The following CACNG8 variants were observed in gnomAD, a reference collection of about 807,000 sequenced individuals.
CACNG8 encodes voltage-dependent calcium channel gamma-8 subunit.
In CACNG8, 5 loss-of-function variants were observed where a neutral mutation model predicts 26.9. The observed-to-expected ratio is 0.19, with a 90% CI of 0.10 to 0.39. The LOEUF is 0.39. Among genes scored for constraint, CACNG8 ranks in the 10% least tolerant of loss-of-function variants. The probability of loss-of-function intolerance (pLI) is 1.00; values close to 1 mark genes in which losing one functional copy is unlikely to be tolerated. For missense variants in CACNG8, 473 were observed against 609.4 expected, an observed-to-expected ratio of 0.78 and a Z score of 2.36; for synonymous variants, 321 against 296.7, an observed-to-expected ratio of 1.08 and a Z score of -0.84.
Position 53,982,863 on chromosome 19 carries a change from G to A in CACNG8, c.*14G>A. 1 of 1,284,068 alleles carries A rather than the reference G, an allele frequency of 7.8e-7. No individual in the cohort carries two copies. Among genetic ancestry groups the A allele is most frequent in the Non-Finnish European group, 9.9e-7 (1 of 1,015,206 alleles). The allele number at this position is 1,284,068 out of a possible 1,614,324, so 79.5% of individuals were successfully genotyped here. On this transcript the variant is annotated 3_prime_UTR_variant, in exon 4 of 4. Coordinates refer to ENST00000270458, the MANE Select transcript of CACNG8 (RefSeq NM_031895.6). This position sits in a 1 kb window ranked among gnomAD's most constrained non-coding sequence, Gnocchi z 8.4. ...ACGCCTGTGTAGGGGCGCGGCGGGG[G>A]AGCCGAGGGGCGTGTCCGGGGCGCG...
intron 2 of CACNG8, among the ~76,000 whole-genome samples, chr19:53,978,607 G>C (rs938336006): frequency 2.6e-5 from 4 of 151,800 alleles, no homozygotes; most frequent in African/African-American, 9.7e-5. Flanking sequence ...CTGGGAGCCG[G>C]CTGGGAAAGC....
chr19:53,977,924 T>C (rs1388155799), intron 1 of CACNG8, among the ~76,000 whole-genome samples: 1 of 152,186 alleles, frequency 6.6e-6, no homozygotes, highest in African/African-American at 2.4e-5. Context: ...TGGGTTTTTT[T>C]CCTTGCTTTT....
At chr19:53,963,940 C>T (rs184268628) in intron 1 of CACNG8, among the ~76,000 whole-genome samples, 2 of 151,764 alleles carry the variant, frequency 1.3e-5, no homozygotes, top group African/African-American at 4.8e-5. Flanking sequence ...TAGCTGGGAC[C>T]ACAGGCATGA....
intron 1 of CACNG8, among the ~76,000 whole-genome samples, chr19:53,966,564 C>A (rs868659444): frequency 1.3e-5 from 2 of 151,916 alleles, no homozygotes; most frequent in Middle Eastern, 3.4e-3. Context: ...AGGCACATGC[C>A]CCCATTTTTT....
At chr19:53,966,158 G>A (rs1313823728) in intron 1 of CACNG8, among the ~76,000 whole-genome samples, 1 of 152,034 alleles carries the variant, frequency 6.6e-6, no homozygotes, top group Non-Finnish European at 1.5e-5. Flanking sequence ...CGTGATCTTG[G>A]CTTACTGCAA....
chr19:53,984,032 T>A lies in CACNG8; in HGVS notation c.*1183T>A, dbSNP rs2069392543. The stretch of plus-strand genomic sequence containing the variant: ...CGGAGGCAAGAGTAGGAGGCAGAGA[T>A]GTGCTGAAATACAGCATCAAACATG... On this transcript the variant is annotated 3_prime_UTR_variant, in exon 4 of 4. Coordinates refer to ENST00000270458, the MANE Select transcript of CACNG8 (RefSeq NM_031895.6). 1 of 152,320 alleles carries A rather than the reference T, an allele frequency of 6.6e-6. No individual in the cohort carries two copies. Among genetic ancestry groups the A allele is most frequent in the African/African-American group, 2.4e-5 (1 of 41,440 alleles). The allele number at this position is 152,320 out of a possible 1,614,324, so 9.4% of individuals were successfully genotyped here.
At chr19:53,970,976 T>C (rs949206675) in intron 1 of CACNG8, among the ~76,000 whole-genome samples, 25 of 143,840 alleles carry the variant, frequency 1.7e-4, no homozygotes, top group African/African-American at 6.4e-4. Flanking sequence ...AAAAGAAATA[T>C]AACATGGGTG....
chr19:53,969,358 G>A (rs900094424), intron 1 of CACNG8, among the ~76,000 whole-genome samples: 2 of 151,962 alleles, frequency 1.3e-5, no homozygotes, highest in African/African-American at 4.8e-5. Flanking sequence ...GAGGTGAAGT[G>A]AGTTGCCCAA....
At position 53,982,427 on chromosome 19, in the gene CACNG8, T is replaced by C; in HGVS notation, c.856T>C (p.Ser286Pro). The C allele has an allele frequency of 1.3e-6, 2 of 1,519,548 alleles. No homozygotes were observed. Among genetic ancestry groups the C allele is most frequent in the Non-Finnish European group, 1.8e-6 (2 of 1,140,558 alleles). The allele number at this position is 1,519,548 out of a possible 1,614,324, so 94.1% of individuals were successfully genotyped here. ...CTCCCGCTCCAGCGAGCCGTCGCCG[T>C]CGCGGGACGCGTCTCCCGGCGGCCC... Residue 286 changes from serine to proline, a missense_variant, in exon 4 of 4, where the codon TCG (serine) becomes CCG (proline). Coordinates refer to ENST00000270458, the MANE Select transcript of CACNG8 (RefSeq NM_031895.6). The surrounding 1 kb of genome is among the most constrained non-coding windows in gnomAD (Gnocchi z 8.4).
At position 53,984,034 on chromosome 19, in the gene CACNG8, T is replaced by C. The variant is rs1304813245; in HGVS notation, c.*1185T>C. The C allele has an allele frequency of 6.6e-6, 1 of 152,346 alleles. No homozygotes were observed. Among genetic ancestry groups the C allele is most frequent in the African/African-American group, 2.4e-5 (1 of 41,436 alleles). 9.4% of individuals were successfully genotyped at this position (152,346 alleles called of 1,614,324 possible). A position where few individuals can be genotyped will look rare whatever the true frequency, so the allele number is the denominator to read the frequency against. Reference sequence around the variant, plus strand: ...GAGGCAAGAGTAGGAGGCAGAGATGTGCTGAAATACAGCATCAAACATGGG... The same window carrying C: ...GAGGCAAGAGTAGGAGGCAGAGATGCGCTGAAATACAGCATCAAACATGGG... On this transcript the variant is annotated 3_prime_UTR_variant, in exon 4 of 4. Coordinates refer to ENST00000270458, the MANE Select transcript of CACNG8 (RefSeq NM_031895.6).
intron 1 of CACNG8, among the ~76,000 whole-genome samples, chr19:53,968,997 A>C (rs1218388121): frequency 1.3e-5 from 2 of 151,802 alleles, no homozygotes; most frequent in Admixed American, 1.3e-4. Flanking sequence ...TACTTTATTT[A>C]TTTATTTTTA....
At chr19:53,970,931 C>CAAAAAAAAAA (rs34478690) in intron 1 of CACNG8, among the ~76,000 whole-genome samples, 2 of 96,634 alleles carry the variant, frequency 2.1e-5, no homozygotes, top group Non-Finnish European at 2.1e-5. Context: ...GACCCTATCT[C>CAAAAAAAAAA]AAAAAAAAAA....
intron 1 of CACNG8, 60 bp from the exon 2 acceptor site, chr19:53,978,086 G>T: frequency 8.5e-7 from 1 of 1,177,532 alleles, no homozygotes; most frequent in Non-Finnish European, 1.2e-6. Flanking sequence ...TGTCAGTGGG[G>T]TTGCCCCGCC....
intron 1 of CACNG8, among the ~76,000 whole-genome samples, chr19:53,970,762 G>A (rs1229904544): frequency 6.6e-6 from 1 of 151,120 alleles, no homozygotes; most frequent in Non-Finnish European, 1.5e-5. Flanking sequence ...GGGAGACCCC[G>A]CCTGTGTAAA....
rs1019356939 is a variant in CACNG8 at position 53,984,063 on chromosome 19, G to C, written c.*1214G>C. The C allele has an allele frequency of 2.0e-5, 3 of 152,266 alleles. No homozygotes were observed. Among genetic ancestry groups the C allele is most frequent in the African/African-American group, 4.8e-5 (2 of 41,448 alleles). The allele number at this position is 152,266 out of a possible 1,614,324, so 9.4% of individuals were successfully genotyped here. Reference sequence around the variant, plus strand: ...GAAATACAGCATCAAACATGGGCACGGGCCCTTGGAGCTCACACTCTTGTG... The same window carrying C: ...GAAATACAGCATCAAACATGGGCACCGGCCCTTGGAGCTCACACTCTTGTG... On this transcript the variant is annotated 3_prime_UTR_variant, in exon 4 of 4. Coordinates refer to ENST00000270458, the MANE Select transcript of CACNG8 (RefSeq NM_031895.6).
At chr19:53,967,121 C>T (rs921806594) in intron 1 of CACNG8, among the ~76,000 whole-genome samples, 2 of 152,068 alleles carry the variant, frequency 1.3e-5, no homozygotes, top group Admixed American at 6.6e-5. Context: ...ATGCCAGCAG[C>T]GCCCTTCCCA....
Position 53,985,257 on chromosome 19 carries a change from G to C in CACNG8, c.*2408G>C, listed in dbSNP as rs916354487. 12 of 152,328 alleles carry C rather than the reference G, an allele frequency of 7.9e-5. No homozygotes were observed. Among genetic ancestry groups the C allele is most frequent in the Non-Finnish European group, 1.6e-4 (11 of 68,162 alleles). The allele number at this position is 152,328 out of a possible 1,614,324, so 9.4% of individuals were successfully genotyped here. ...CCAGTCTGGCGGGAAAACAGGCACA[G>C]ACGCAGCTTGAGGAGGACGTGGCAG... is the stretch of plus-strand genomic sequence containing the variant. On this transcript the variant is annotated 3_prime_UTR_variant, in exon 4 of 4. Coordinates refer to ENST00000270458, the MANE Select transcript of CACNG8 (RefSeq NM_031895.6).
At chr19:53,963,499 T>C in intron 1 of CACNG8, 74 bp downstream of exon 1, 1 of 1,374,068 alleles carries the variant, frequency 7.3e-7, no homozygotes, top group Non-Finnish European at 9.4e-7. Context: ...CGGGGCTGCC[T>C]GTCCCTGATC....
In CACNG8 at chr19:53,963,179, C is replaced by A; in HGVS notation, c.37C>A (p.Leu13Ile). 1 of 1,577,624 alleles carries A rather than the reference C, an allele frequency of 6.3e-7. No individual in the cohort carries two copies. The change falls in exon 1 of 4, where the codon CTC becomes ATC. Residue 13 changes from leucine (L) to isoleucine (I), a missense_variant. Physicochemically the swap from Leu to Ile is conservative, Grantham distance 5. This residue lies in a region of CACNG8 where 26 missense variants were observed against 23.8 expected (regional missense o/e 1.09). Coordinates refer to ENST00000270458, the MANE Select transcript of CACNG8 (RefSeq NM_031895.6). ...GAAGCGCTGGAACGAAGAGCGGGGC[C>A]TCTGGTGCGAGAAGGGGGTGCAGGT...
Sources: allele counts gnomAD v4.1 joint callset (sites outside exome capture counted in the v4.1 genomes callset), GRCh38; gene constraint gnomAD v4.1.1; regional missense constraint gnomAD v4.1.1; non-coding constraint Gnocchi (gnomAD v3.1); transcripts MANE v1.5; gene names NCBI Gene and HGNC (gene_info 2026-07-23, HGNC 2026-07-21).